The following PAK3 variants were observed in gnomAD, a reference collection of about 807,000 sequenced individuals.
The protein encoded by PAK3 is p21 (RAC1) activated kinase 3, also known as serine/threonine-protein kinase PAK 3.
In PAK3, 4 loss-of-function variants were observed where a neutral mutation model predicts 41.0. That is an observed-to-expected ratio of 0.10 (90% confidence interval 0.05 to 0.22). The LOEUF (loss-of-function observed/expected upper bound fraction) is 0.22. Among genes scored for constraint, PAK3 ranks in the 10% least tolerant of loss-of-function variants. The pLI is 1.00. For missense variants in PAK3, 205 were observed against 409.9 expected (o/e 0.50, Z 4.32); for synonymous variants, 146 against 139.6 (o/e 1.05, Z -0.32).
intron 1 of PAK3, among the ~76,000 whole-genome samples, chrX:110,975,691 G>T (rs944736233): frequency 1.2e-4 from 13 of 111,593 alleles, no homozygotes; most frequent in African/African-American, 4.2e-4. Flanking sequence ...GAGGCATCAC[G>T]CTACCTGACT....
chrX:111,027,075 C>CA (rs2092280571), intron 1 of PAK3, among the ~76,000 whole-genome samples: 1 of 111,065 alleles, frequency 9.0e-6, no homozygotes, highest in African/African-American at 3.3e-5. Context: ...ACTCTATGTA[C>CA]AAAAAATGGT....
At chrX:111,157,167 C>T (rs917739485) in intron 8 of PAK3, among the ~76,000 whole-genome samples, 1 of 111,272 alleles carries the variant, frequency 9.0e-6, no homozygotes, top group Non-Finnish European at 1.9e-5. Flanking sequence ...GGCTCCACTC[C>T]CAGAGTAGAT....
intron 6 of PAK3, among the ~76,000 whole-genome samples, chrX:111,142,421 C>T (rs758804748): frequency 8.9e-6 from 1 of 112,452 alleles, no homozygotes; most frequent in South Asian, 3.7e-4. Flanking sequence ...ACTGTATAGT[C>T]TCAACTTGGT....
chrX:111,028,777 A>G (rs911313192), intron 1 of PAK3, among the ~76,000 whole-genome samples: 10 of 111,880 alleles, frequency 8.9e-5, no homozygotes, highest in Non-Finnish European at 1.9e-4. Flanking sequence ...ATTATCCCCA[A>G]TATACAGATG....
At chrX:111,137,347 AT>A (rs1272538345) in intron 5 of PAK3, among the ~76,000 whole-genome samples, 1 of 111,424 alleles carries the variant, frequency 9.0e-6, no homozygotes, top group East Asian at 2.8e-4. Flanking sequence ...GTCTAAAGTC[AT>A]TGTTCTCAGT....
intron 4 of PAK3, 129 bp from the exon 5 acceptor site, chrX:111,122,948 G>C: frequency 1.9e-6 from 1 of 520,334 alleles, no homozygotes; most frequent in Non-Finnish European, 3.4e-6. Context: ...CCCTAAAAAC[G>C]ATCCTCACAC....
At chrX:111,094,751 C>T (rs1015540486), upstream of PAK3, among the ~76,000 whole-genome samples, 4 of 98,696 alleles carry the variant, frequency 4.1e-5, no homozygotes, top group Non-Finnish European at 6.0e-5. Context: ...TGCAGTGGCG[C>T]AATCTCGGCT....
chrX:111,117,196 G>A (rs1243107932), intron 4 of PAK3, among the ~76,000 whole-genome samples: 1 of 111,996 alleles, frequency 8.9e-6, no homozygotes, highest in African/African-American at 3.2e-5. Flanking sequence ...GTACCAGCAT[G>A]AAGTGGGTTG....
intron 1 of PAK3, among the ~76,000 whole-genome samples, chrX:111,090,569 T>C (rs2148856045): frequency 8.9e-6 from 1 of 111,763 alleles, no homozygotes; most frequent in African/African-American, 3.3e-5. Flanking sequence ...GGGGCACTTC[T>C]GTTCCTGACA....
intron 1 of PAK3, among the ~76,000 whole-genome samples, chrX:111,038,049 T>C (rs1346357313): frequency 8.9e-6 from 1 of 111,810 alleles, no homozygotes; most frequent in Non-Finnish European, 1.9e-5. Flanking sequence ...TCAACCTTTA[T>C]ATATGTGAAA....
intron 1 of PAK3, among the ~76,000 whole-genome samples, chrX:111,088,528 G>C (rs754335615): frequency 8.9e-6 from 1 of 111,884 alleles, no homozygotes; most frequent in Non-Finnish European, 1.9e-5. Flanking sequence ...ACCCATTTTA[G>C]TCACACTGTG....
intron 10 of PAK3, among the ~76,000 whole-genome samples, chrX:111,172,323 T>C (rs892812094): frequency 7.1e-5 from 8 of 111,985 alleles, no homozygotes; most frequent in Non-Finnish European, 1.5e-4. Context: ...AGAATGTTTA[T>C]GAGCCTGAGC....
intron 1 of PAK3, among the ~76,000 whole-genome samples, chrX:110,984,737 CACAG>C (rs2091510021): frequency 9.0e-6 from 1 of 111,273 alleles, no homozygotes; most frequent in Non-Finnish European, 1.9e-5. Flanking sequence ...TTGTGATTCA[CACAG>C]ACACTGTATC....
At chrX:111,124,684 A>G (rs1300464577) in intron 5 of PAK3, among the ~76,000 whole-genome samples, 1 of 111,563 alleles carries the variant, frequency 9.0e-6, no homozygotes, top group Admixed American at 9.5e-5. Context: ...TTTTTTGCCA[A>G]TACTTCAGGT....
chrX:111,184,578 G>A (rs1199442439), intron 11 of PAK3, among the ~76,000 whole-genome samples: 2 of 105,519 alleles, frequency 1.9e-5, no homozygotes, highest in East Asian at 6.1e-4. Context: ...AGGCCCCGGT[G>A]TGTGATGTTC....
At chrX:110,978,838 A>G (rs1456036528) in intron 1 of PAK3, among the ~76,000 whole-genome samples, 2 of 109,576 alleles carry the variant, frequency 1.8e-5, no homozygotes, top group African/African-American at 3.3e-5. Flanking sequence ...TAGCCTCAAA[A>G]GTGAATTGGA....
chrX:111,065,015 A>C (rs893451367), intron 1 of PAK3, among the ~76,000 whole-genome samples: 3 of 112,093 alleles, frequency 2.7e-5, no homozygotes, highest in Non-Finnish European at 5.6e-5. Flanking sequence ...TAGATAGTTC[A>C]ACTTCTTATT....
chrX:111,218,037 T>A (rs2149402149), intron 17 of PAK3, among the ~76,000 whole-genome samples: 1 of 112,614 alleles, frequency 8.9e-6, no homozygotes, highest in East Asian at 2.8e-4. Context: ...TTATTGCGTC[T>A]TTTCATTTTA....
intron 1 of PAK3, among the ~76,000 whole-genome samples, chrX:111,029,062 A>G (rs2092309341): frequency 1.8e-5 from 2 of 111,688 alleles, no homozygotes; most frequent in South Asian, 7.5e-4. Context: ...GCTTGAGCCC[A>G]GGAGATGCAG....
Sources: gnomAD v4.1 joint callset for allele counts (sites outside exome capture counted in the v4.1 genomes callset) on GRCh38, gnomAD v4.1.1 for gene constraint, MANE v1.5 for transcripts, NCBI Gene and HGNC (gene_info 2026-07-23, HGNC 2026-07-21) for gene names.